METTL3: variants seen among roughly 807,000 people sequenced by gnomAD.
METTL3 encodes the protein N(6)-adenosine-methyltransferase catalytic subunit METTL3.
METTL3 carries 42 observed loss-of-function variants against 64.3 expected under a neutral mutation model. The observed-to-expected ratio is 0.65, with a 90% confidence interval of 0.51 to 0.84. The LOEUF (loss-of-function observed/expected upper bound fraction) is 0.84. Among genes scored for constraint, METTL3 ranks in the 40% least tolerant of loss-of-function variants. The pLI, the probability that METTL3 is intolerant of heterozygous loss-of-function variation, is 0.00. For synonymous variants in METTL3, 256 were observed against 263.6 expected (o/e 0.97, Z 0.28); for missense variants, 435 against 722.3 (o/e 0.60, Z 4.56).
intron 1 of METTL3, 31 bp downstream of exon 1, chr14:21,511,093 G>A (rs746844546): frequency 1.2e-6 from 2 of 1,609,324 alleles, no homozygotes; most frequent in Middle Eastern, 1.7e-4. Context: ...CTCCCCGGTT[G>A]AGCCTCGGCC....
rs202016326 is a variant in METTL3 at position 21,500,930 on chromosome 14, G to A, written c.1099C>T (p.Arg367Ter). The A allele has an allele frequency of 5.0e-6, 8 of 1,613,666 alleles. No individual in the cohort carries two copies. The highest frequency in any genetic ancestry group is 5.9e-6 in the Non-Finnish European group (7 of 1,179,834). Residue 367 changes from arginine (R) to a stop codon, truncating the protein, a stop_gained, in exon 5 of 11, where the codon CGA becomes TGA. Coordinates refer to ENST00000298717, the MANE Select transcript of METTL3 (RefSeq NM_019852.5). LOFTEE classifies it high-confidence loss of function. Reference sequence around the variant, plus strand: ...ACAGGTACCTGAGGTGGGAAGAGTCGGTCTGCACTGGAATCACCTCCGACA... The same window carrying A: ...ACAGGTACCTGAGGTGGGAAGAGTCAGTCTGCACTGGAATCACCTCCGACA... ...QSVGGDSSADRLFPPQWICCD... is the reference protein window; with the variant it reads ...QSVGGDSSAD
intron 6 of METTL3, 106 bp from the exon 7 acceptor site, chr14:21,499,908 A>T: frequency 9.7e-7 from 1 of 1,028,050 alleles, no homozygotes; most frequent in East Asian, 2.4e-5. Flanking sequence ...GTAGACGCTC[A>T]GTGAACATTT....
chr14:21,500,383 A>T, intron 6 of METTL3, 112 bp downstream of exon 6: 1 of 1,072,090 alleles, frequency 9.3e-7, no homozygotes, highest in Non-Finnish European at 1.4e-6. Context: ...AAAAAAGACT[A>T]AATCAGTCAT....
At chr14:21,505,133 T>G (rs1208952033) in intron 1 of METTL3, among the ~76,000 whole-genome samples, 2 of 152,006 alleles carry the variant, frequency 1.3e-5, no homozygotes, top group Non-Finnish European at 2.9e-5. Flanking sequence ...TGAAACCCAG[T>G]GTCTCTAAAG....
At chr14:21,499,726 T>C (rs1458320929) in intron 7 of METTL3, 38 bp downstream of exon 7, 4 of 1,602,130 alleles carry the variant, frequency 2.5e-6, no homozygotes, top group Non-Finnish European at 3.4e-6. Flanking sequence ...ACTGTAACAG[T>C]ATTACCCTCA....
intron 6 of METTL3, among the ~76,000 whole-genome samples, 171 bp downstream of exon 6, chr14:21,500,324 A>G (rs1261550978): frequency 6.6e-6 from 1 of 151,896 alleles, no homozygotes; most frequent in Non-Finnish European, 1.5e-5. Context: ...AGATCACACT[A>G]CTGCACTCCA....
rs773705837 is a variant in METTL3, at chr14:21,503,263, C to G, written c.633G>C (p.Lys211Asn). 5.6e-6 allele frequency: 9 copies of G among 1,614,076 alleles called. No homozygotes were observed. Among genetic ancestry groups the G allele is most frequent in the Non-Finnish European group, 8.5e-7 (1 of 1,180,044 alleles). ...SASEPAKEPA[K>N]KSRKHAASDV... is the part of the protein sequence containing the mutation. ...CTGAGGCAGCATGTTTCCTTGATTTCTTGGCTGGCTCCTTTGCTGGTTCCG... is the reference window on the plus strand; with the variant it reads ...CTGAGGCAGCATGTTTCCTTGATTTGTTGGCTGGCTCCTTTGCTGGTTCCG... The change falls in exon 3 of 11, where the codon AAG becomes AAC. Residue 211 changes from lysine (K) to asparagine (N), a missense_variant. By Grantham distance (94) the Lys-to-Asn change is moderately conservative. Transcript: ENST00000298717.
intron 6 of METTL3, among the ~76,000 whole-genome samples, chr14:21,500,026 G>A (rs1014106862): frequency 6.6e-6 from 1 of 152,010 alleles, no homozygotes; most frequent in Non-Finnish European, 1.5e-5. Flanking sequence ...TATATATTCG[G>A]GGTAAAATTT....
chr14:21,501,298 T>A (rs1203931109), intron 4 of METTL3, 169 bp from the exon 5 acceptor site: 1 of 614,834 alleles, frequency 1.6e-6, no homozygotes, highest in African/African-American at 1.8e-5. Context: ...CCATAATTCA[T>A]ACTACAGAAC....
At chr14:21,499,927 A>G (rs1370676706) in intron 6 of METTL3, 125 bp from the exon 7 acceptor site, 1 of 830,796 alleles carries the variant, frequency 1.2e-6, no homozygotes, top group Non-Finnish European at 2.0e-6. Context: ...TTACATGCAC[A>G]CCACCAAAAG....
intron 1 of METTL3, chr14:21,508,336 T>C (rs1407691141): frequency 6.6e-6 from 1 of 151,868 alleles, no homozygotes; most frequent in Non-Finnish European, 1.5e-5. Flanking sequence ...GATATTCACA[T>C]CTAAAAAAGA....
At chr14:21,501,555 G>A (rs545355088) in intron 4 of METTL3, 173 bp downstream of exon 4, 5 of 793,094 alleles carry the variant, frequency 6.3e-6, no homozygotes, top group South Asian at 3.7e-5. Context: ...AGTACAGCCT[G>A]TATTCTTCCC....
intron 1 of METTL3, among the ~76,000 whole-genome samples, chr14:21,506,077 C>T (rs1355771802): frequency 6.6e-6 from 1 of 151,650 alleles, no homozygotes; most frequent in Admixed American, 6.6e-5. Context: ...GAGACGGAGT[C>T]TTGCTCTGTT....
chr14:21,504,089 C>T (rs1030595629), intron 1 of METTL3: 1 of 562,832 alleles, frequency 1.8e-6, no homozygotes, highest in Non-Finnish European at 3.2e-6. Context: ...TTCTATCTAC[C>T]TTTTCTCTAT....
chr14:21,499,083 A>T lies in METTL3; in HGVS notation c.1573T>A (p.Ser525Thr), dbSNP rs1891488070. 6.2e-7 allele frequency: 1 copy of T among 1,614,024 alleles called. No homozygotes were observed. The highest frequency in any genetic ancestry group is 1.3e-5 in the African/African-American group (1 of 74,914). The change falls in exon 10 of 11, where the codon TCT (serine) becomes ACT (threonine). Residue 525 changes from serine (S) to threonine (T), a missense_variant. Physicochemically the swap from Ser to Thr is moderately conservative, Grantham distance 58. Coordinates refer to ENST00000298717, the MANE Select transcript of METTL3 (RefSeq NM_019852.5). ...DEIYGMIERL[S>T]PGTRKIELFG... ...AACTCAATCTTGCGAGTGCCAGGAG[A>T]TAGTCTTTCAATCATGCCATAGATT...
At position 21,498,357 on chromosome 14, in the gene METTL3, T is replaced by C. The variant is rs1039526184; in HGVS notation, c.1644A>G (p.Gly548=). The change falls in exon 11 of 11, where the codon GGA becomes GGG. Residue 548 remains glycine, a synonymous_variant. Coordinates refer to ENST00000298717, the MANE Select transcript of METTL3 (RefSeq NM_019852.5). ...GTAGGTGGATCCCATCCAGTTGGTT[T>C]CCAAGGGTGATCCTGAAACAGTGTA... The part of the protein sequence containing the change: ...HNVQPNWITL[G]NQLDGIHLLD... 6.2e-7 allele frequency: 1 copy of C among 1,614,028 alleles called. No homozygotes were observed. Among genetic ancestry groups the C allele is most frequent in the Non-Finnish European group, 8.5e-7 (1 of 1,180,032 alleles).
rs887217367 is a variant in METTL3 at position 21,511,334 on chromosome 14, G to A, written c.-111C>T. 1 of 1,467,818 alleles carries A rather than the reference G, an allele frequency of 6.8e-7. No homozygotes were observed. The highest frequency in any genetic ancestry group is 1.4e-5 in the African/African-American group (1 of 70,282). The allele number at this position is 1,467,818 out of a possible 1,614,324, so 90.9% of individuals were successfully genotyped here. On this transcript the variant is annotated 5_prime_UTR_variant, in exon 1 of 11. Coordinates refer to ENST00000298717, the MANE Select transcript of METTL3 (RefSeq NM_019852.5). ...CACGCGGACACCCCGAAGGCTAACC[G>A]GAAAATGACCCCTGGAGCTGAGCAA... is the stretch of plus-strand genomic sequence containing the variant.
chr14:21,503,581 GAGAAC>G lies in METTL3; in HGVS notation c.319-9_319-5del, dbSNP rs1566493727. ...CTTGAGTGGCAGGAGCATCTGGCTA[GAGAAC>G]GAGGGGAGGTATGGGCAATAAGACA... On this transcript the variant is annotated splice_region_variant and splice_polypyrimidine_tract_variant and intron_variant, in intron 2 of 10. Coordinates refer to ENST00000298717, the MANE Select transcript of METTL3 (RefSeq NM_019852.5). 6.2e-7 allele frequency: 1 copy of G among 1,612,872 alleles called. No individual in the cohort carries two copies. The highest frequency in any genetic ancestry group is 8.5e-7 in the Non-Finnish European group (1 of 1,179,536).
chr14:21,503,578 C>T lies in METTL3; in HGVS notation c.319-1G>A, dbSNP rs143040965. On this transcript the variant is annotated splice_acceptor_variant, in intron 2 of 10. Transcript: ENST00000298717. LOFTEE classifies it high-confidence loss of function. Reference sequence around the variant, plus strand: ...CATCTTGAGTGGCAGGAGCATCTGGCTAGAGAACGAGGGGAGGTATGGGCA... The same window carrying T: ...CATCTTGAGTGGCAGGAGCATCTGGTTAGAGAACGAGGGGAGGTATGGGCA... 5.8e-4 allele frequency: 932 copies of T among 1,612,696 alleles called. No homozygotes were observed. The highest frequency in any genetic ancestry group is 7.6e-4 in the Non-Finnish European group (899 of 1,179,480).
Sources: allele counts gnomAD v4.1 joint callset (sites outside exome capture counted in the v4.1 genomes callset), GRCh38; gene constraint gnomAD v4.1.1; transcripts MANE v1.5; gene names NCBI Gene and HGNC (gene_info 2026-07-23, HGNC 2026-07-21).